The following MYBPC2 variants were observed in gnomAD, a reference collection of about 807,000 sequenced individuals.
The protein encoded by MYBPC2 is myosin binding protein C2.
Under a neutral mutation model 137.0 loss-of-function variants are expected in MYBPC2, and 122 were observed. That is an observed-to-expected ratio of 0.89 (90% CI 0.77 to 1.03). The LOEUF (loss-of-function observed/expected upper bound fraction) is 1.03. Ranked by LOEUF, MYBPC2 falls within the 50% of genes least tolerant of loss-of-function variation. The pLI, the probability that MYBPC2 is intolerant of heterozygous loss-of-function variation, is 0.00. For missense variants in MYBPC2, 1,500 were observed against 1,534.4 expected (o/e 0.98, Z 0.37); for synonymous variants, 626 against 612.3 (o/e 1.02, Z -0.33).
At chr19:50,450,700 C>G in intron 13 of MYBPC2, 129 bp from the exon 14 acceptor site, 1 of 645,228 alleles carries the variant, frequency 1.5e-6, no homozygotes, top group Non-Finnish European at 2.7e-6. Flanking sequence ...TAGACCACAG[C>G]GTTCCAAAGC....
intron 20 of MYBPC2, among the ~76,000 whole-genome samples, chr19:50,457,818 T>A (rs1483931710): frequency 1.3e-5 from 2 of 151,558 alleles, no homozygotes; most frequent in Non-Finnish European, 2.9e-5. Flanking sequence ...TAGCTGGGAT[T>A]ACAGGTGCCT....
chr19:50,444,290 TCATCCATCCATCCATCCATC>T (rs66680495), intron 11 of MYBPC2, among the ~76,000 whole-genome samples: 105 of 117,900 alleles, frequency 8.9e-4, no homozygotes, highest in African/African-American at 2.8e-3. Flanking sequence ...GTCCATCCAT[TCATCCATCCATCCATCCATC>T]CATCCATCCA....
rs747991496 is a variant in MYBPC2, at chr19:50,454,276, C to T, written c.1921C>T (p.Pro641Ser). 10 of 1,613,784 alleles carry T rather than the reference C, an allele frequency of 6.2e-6. No individual in the cohort carries two copies. In the South Asian group the frequency reaches 7.7e-5, roughly 12 times the overall value. ...CCTGCCCCCTGCAGATGTCCCAGAC[C>T]CCCCGGAGGCTGTGCGCATCACCTC... The part of the protein sequence containing the change: ...IFLQVVDVPD[P>S]PEAVRITSVG... The change falls in exon 18 of 28, where the codon CCC becomes TCC. Residue 641 changes from proline to serine, a missense_variant. Physicochemically the swap from Pro to Ser is moderately conservative, Grantham distance 74. Transcript: ENST00000357701.
At chr19:50,456,597 A>AT (rs201042875) in intron 20 of MYBPC2, among the ~76,000 whole-genome samples, 13,033 of 146,708 alleles carry the variant, frequency 0.089, 671 homozygotes, top group East Asian at 0.15. Flanking sequence ...TGCCCAGCTA[A>AT]TTTTTTTTTT....
At chr19:50,449,882 A>G (rs111750954) in intron 13 of MYBPC2, among the ~76,000 whole-genome samples, 15,464 of 152,122 alleles carry the variant, frequency 0.1, 1,111 homozygotes, top group African/African-American at 0.2. Flanking sequence ...ATGGCCGGGC[A>G]TGGTGGCTCA....
chr19:50,437,173 G>C (rs762660370), intron 5 of MYBPC2, among the ~76,000 whole-genome samples: 30 of 152,066 alleles, frequency 2.0e-4, no homozygotes, highest in Non-Finnish European at 4.1e-4. Context: ...CCCAGAATGT[G>C]TGAGGGCTTA....
rs546387840 is a variant in MYBPC2, at chr19:50,461,204, C to T, written c.2932-338C>T. Among the ~76,000 whole-genome samples the T allele has an allele frequency of 1.7e-3, 254 of 150,832 alleles. 2 individuals carry two copies. Among genetic ancestry groups the T allele is most frequent in the Non-Finnish European group, 2.8e-3 (193 of 67,726 alleles). On this transcript the variant is annotated intron_variant, in intron 24 of 27. Coordinates refer to ENST00000357701, the MANE Select transcript of MYBPC2 (RefSeq NM_004533.4). The stretch of plus-strand genomic sequence containing the variant: ...TTTTTTTAACAGACAAGGGTCTCGC[C>T]GGGTTGCCCACTCTGGTCTCAAACT...
intron 16 of MYBPC2, among the ~76,000 whole-genome samples, chr19:50,453,386 G>A (rs2039878448): frequency 6.6e-6 from 1 of 152,186 alleles, no homozygotes; most frequent in African/African-American, 2.4e-5. Flanking sequence ...TCCAGCTAAG[G>A]GTATCCAGGA....
chr19:50,448,460 G>A, intron 13 of MYBPC2, 70 bp downstream of exon 13: 1 of 1,533,794 alleles, frequency 6.5e-7, no homozygotes, highest in Non-Finnish European at 8.8e-7. Context: ...TGTGTAACAA[G>A]CTGTCCCCCA....
In MYBPC2 at chr19:50,461,955, G is replaced by C; in HGVS notation, c.3147G>C (p.Lys1049Asn). Residue 1049 changes from lysine (K) to asparagine (N), a missense_variant, in exon 26 of 28, where the codon AAG (lysine) becomes AAC (asparagine). By Grantham distance (94) the Lys-to-Asn change is moderately conservative. Transcript: ENST00000357701. ...AGCATGACTTCCGGATGGCTCCCAA[G>C]TTCCTGACACCTCTCATAGACCGCG... ...YKEHDFRMAPKFLTPLIDRVV... is the reference protein window; with the variant it reads ...YKEHDFRMAPNFLTPLIDRVV... 6.3e-7 allele frequency: 1 copy of C among 1,589,336 alleles called. No individual in the cohort carries two copies. The highest frequency in any genetic ancestry group is 8.6e-7 in the Non-Finnish European group (1 of 1,167,254).
chr19:50,451,108 G>T (rs1261529535), intron 14 of MYBPC2, among the ~76,000 whole-genome samples, 172 bp from the exon 15 acceptor site: 1 of 152,158 alleles, frequency 6.6e-6, no homozygotes. Context: ...CGCTGAACTC[G>T]CTGCCACCTG....
rs1409732986 is a variant in MYBPC2 at position 50,459,154 on chromosome 19, C to T, written c.2639C>T (p.Pro880Leu). Reference sequence around the variant, plus strand: ...GTGGTGTGGACCAAGGGCGGGGCCCCGCTGGACACCTCCCGCGTGCACGTG... The same window carrying T: ...GTGGTGTGGACCAAGGGCGGGGCCCTGCTGGACACCTCCCGCGTGCACGTG... ...PQVVWTKGGA[P>L]LDTSRVHVRT... is the part of the protein sequence containing the mutation. The change falls in exon 23 of 28, where the codon CCG becomes CTG. Residue 880 changes from proline to leucine, a missense_variant. Transcript: ENST00000357701. 2.5e-6 allele frequency: 4 copies of T among 1,595,762 alleles called. No individual in the cohort carries two copies. Among genetic ancestry groups the T allele is most frequent in the Non-Finnish European group, 3.4e-6 (4 of 1,173,532 alleles).
At chr19:50,444,752 C>A (rs920856430) in intron 11 of MYBPC2, among the ~76,000 whole-genome samples, 1 of 151,246 alleles carries the variant, frequency 6.6e-6, no homozygotes, top group African/African-American at 2.4e-5. Context: ...TGTTGGCGGG[C>A]GCCTGTAGTC....
In MYBPC2 at chr19:50,445,976, C is replaced by A. The variant is rs770473685; in HGVS notation, c.1230C>A (p.Asp410Glu). 1.2e-6 allele frequency: 2 copies of A among 1,613,138 alleles called. No homozygotes were observed. The highest frequency in any genetic ancestry group is 2.2e-5 in the South Asian group (2 of 90,824). The part of the protein sequence containing the change: ...DGKRHILIFS[D>E]VVQEDRGRYQ... ...AGCGCCACATCCTCATCTTCTCAGA[C>A]GTGGTCCAGGAGGACAGGGGTCGCT... Residue 410 changes from aspartate (D) to glutamate (E), a missense_variant, in exon 12 of 28, where the codon GAC becomes GAA. Transcript: ENST00000357701.
At chr19:50,433,313 G>C (rs569406567) in intron 1 of MYBPC2, among the ~76,000 whole-genome samples, 1 of 152,122 alleles carries the variant, frequency 6.6e-6, no homozygotes, top group South Asian at 2.1e-4. Flanking sequence ...GTGGAGATGG[G>C]ATTCTCTGGT....
intron 7 of MYBPC2, among the ~76,000 whole-genome samples, chr19:50,440,278 C>T (rs2039738639): frequency 6.6e-6 from 1 of 151,160 alleles, no homozygotes; most frequent in Non-Finnish European, 1.5e-5. Flanking sequence ...AAACAGCTTA[C>T]TCATGTAACC....
rs1157608122 is a variant in MYBPC2, at chr19:50,455,527, C to T, written c.2221C>T (p.Leu741=). ...FMPIAPTSEP[L]HLIVEDVTDT... is the part of the protein sequence containing the mutation. ...GCTTGCAGCACCCACGAGTGAACCC[C>T]TGCACCTGATAGTGGAGGATGTGAC... is the stretch of plus-strand genomic sequence containing the variant. The change falls in exon 20 of 28, where the codon CTG becomes TTG. Residue 741 remains leucine (L), a synonymous_variant. Coordinates refer to ENST00000357701, the MANE Select transcript of MYBPC2 (RefSeq NM_004533.4). 2 of 1,613,806 alleles carry T rather than the reference C, an allele frequency of 1.2e-6. No homozygotes were observed. Among genetic ancestry groups the T allele is most frequent in the Non-Finnish European group, 8.5e-7 (1 of 1,179,842 alleles).
At chr19:50,459,048 G>T (rs754255879) in intron 22 of MYBPC2, 42 bp downstream of exon 22, 2 of 1,570,240 alleles carry the variant, frequency 1.3e-6, no homozygotes, top group Non-Finnish European at 1.7e-6. Flanking sequence ...CGCTCTCGCC[G>T]CAAGCCCCCT....
At chr19:50,437,319 T>C (rs2039712718) in intron 5 of MYBPC2, among the ~76,000 whole-genome samples, 154 bp from the exon 6 acceptor site, 1 of 151,898 alleles carries the variant, frequency 6.6e-6, no homozygotes, top group South Asian at 2.1e-4. Flanking sequence ...GGTCTAGAAC[T>C]AGAGGATGCC....
Sources: gnomAD v4.1 joint callset for allele counts (sites outside exome capture counted in the v4.1 genomes callset) on GRCh38, gnomAD v4.1.1 for gene constraint, MANE v1.5 for transcripts, NCBI Gene and HGNC (gene_info 2026-07-23, HGNC 2026-07-21) for gene names.